RPL6: variants seen among roughly 807,000 people sequenced by gnomAD.
The protein encoded by RPL6 is large ribosomal subunit protein eL6.
In RPL6, 1 loss-of-function variant was observed where a neutral mutation model predicts 32.1. The ratio of observed to expected loss-of-function variants is 0.03; its 90% CI spans 0.01 to 0.15. The LOEUF (loss-of-function observed/expected upper bound fraction) is 0.15. Among genes scored for constraint, RPL6 ranks in the 10% least tolerant of loss-of-function variants. The pLI, the probability that RPL6 is intolerant of heterozygous loss-of-function variation, is 1.00. For missense variants in RPL6, 275 were observed against 354.6 expected (o/e 0.78, Z 1.80); for synonymous variants, 126 against 131.6 (o/e 0.96, Z 0.29).
chr12:112,408,299 T>A lies in RPL6; in HGVS notation c.277A>T (p.Thr93Ser). The change falls in exon 3 of 7, where the codon ACA becomes TCA. Residue 93 changes from threonine to serine, a missense_variant. Thr to Ser is a moderately conservative substitution (Grantham distance 58). Transcript: ENST00000202773. The part of the protein sequence containing the change: ...KKKEKVLATV[T>S]KPVGGDKNGG... ...TTCTTGTCACCACCAACTGGTTTTG[T>A]AACAGTTGCGAGAACCTTCTCCTTC... The A allele has an allele frequency of 6.2e-7, 1 of 1,614,242 alleles. No homozygotes were observed. Among genetic ancestry groups the A allele is most frequent in the East Asian group, 2.2e-5 (1 of 44,888 alleles).
chr12:112,409,062 C>A (rs564176382), intron 1 of RPL6: 1 of 234,492 alleles, frequency 4.3e-6, no homozygotes, highest in South Asian at 1.7e-4. Flanking sequence ...TTCGTCTTAA[C>A]CCTTAAGACC....
chr12:112,405,372 T>C lies in RPL6; in HGVS notation c.719A>G (p.Tyr240Cys), dbSNP rs753454038. ...AATCTTGCGCTGCTCCGTAATCTCA[T>C]ATTTCTAAATAAAGAGAAAATCAAA... ...GEIFDTEKEK[Y>C]EITEQRKIDQ... Residue 240 changes from tyrosine (Y) to cysteine (C), a missense_variant, in exon 7 of 7, where the codon TAT becomes TGT. Tyr to Cys is a radical substitution (Grantham distance 194). Transcript: ENST00000202773. The C allele has an allele frequency of 3.7e-6, 6 of 1,604,894 alleles. No homozygotes were observed. The highest frequency in any genetic ancestry group is 4.2e-6 in the Non-Finnish European group (5 of 1,178,162).
At chr12:112,415,761 A>G (rs2037399484) in intron 1 of RPL6, among the ~76,000 whole-genome samples, 1 of 150,342 alleles carries the variant, frequency 6.7e-6, no homozygotes. Context: ...CAGGGGTCTT[A>G]CTCTGTTGCC....
intron 4 of RPL6, 134 bp downstream of exon 4, chr12:112,406,613 T>C: frequency 4.9e-6 from 6 of 1,215,290 alleles, no homozygotes; most frequent in Non-Finnish European, 6.8e-6. Context: ...AACAACTAAG[T>C]TGTATCTTGC....
upstream of RPL6, among the ~76,000 whole-genome samples, chr12:112,413,886 A>AATGACTTTG (rs2037370195): frequency 6.6e-6 from 1 of 152,080 alleles, no homozygotes; most frequent in Non-Finnish European, 1.5e-5. Context: ...AAAGGAAGAC[A>AATGACTTTG]ATGACTTTGT....
At chr12:112,410,010 A>C (rs1431329795), upstream of RPL6, among the ~76,000 whole-genome samples, 1 of 117,878 alleles carries the variant, frequency 8.5e-6, no homozygotes, top group Non-Finnish European at 1.8e-5. Context: ...TCAAAAAAGA[A>C]AAAAAAAAAA....
At chr12:112,412,183 G>A (rs1195390012), upstream of RPL6, among the ~76,000 whole-genome samples, 1 of 152,050 alleles carries the variant, frequency 6.6e-6, no homozygotes, top group Non-Finnish European at 1.5e-5. Context: ...GGGACTACAG[G>A]CGCCCGCCAC....
upstream of RPL6, among the ~76,000 whole-genome samples, chr12:112,413,863 TAA>T (rs749770603): frequency 2.1e-4 from 28 of 131,778 alleles, no homozygotes; most frequent in Admixed American, 2.3e-4. Flanking sequence ...CTGTCTGTAT[TAA>T]AAAAAAAAAA....
chr12:112,410,783 C>T (rs2037332411), upstream of RPL6, among the ~76,000 whole-genome samples: 4 of 151,672 alleles, frequency 2.6e-5, no homozygotes, highest in African/African-American at 9.7e-5. Flanking sequence ...CCATGATGGC[C>T]AAGCTGGTTT....
Position 112,408,350 on chromosome 12 carries a change from C to T in RPL6, c.238-12G>A. 6.2e-7 allele frequency: 1 copy of T among 1,613,912 alleles called. No homozygotes were observed. The highest frequency in any genetic ancestry group is 1.1e-5 in the South Asian group (1 of 91,082). ...TTTTTCTTTTCAACCTACAAGGACA[C>T]AAATGCATCAACAGTAAGAGAATGC... On this transcript the variant is annotated splice_polypyrimidine_tract_variant and intron_variant, in intron 2 of 6. Transcript: ENST00000202773.
upstream of RPL6, chr12:112,409,677 G>A (rs2037302429): frequency 7.6e-6 from 3 of 394,504 alleles, no homozygotes; most frequent in Non-Finnish European, 1.3e-5. Context: ...CGGATCTGGG[G>A]CATCATGGGG....
chr12:112,408,389 G>C (rs367773166), intron 2 of RPL6, 31 bp downstream of exon 2: 29 of 1,613,384 alleles, frequency 1.8e-5, no homozygotes, highest in African/African-American at 2.7e-5. Context: ...TTAAGGTTAA[G>C]ACATAATGGT....
upstream of RPL6, among the ~76,000 whole-genome samples, chr12:112,413,937 CAAT>C (rs1012381839): frequency 4.6e-5 from 7 of 151,066 alleles, no homozygotes; most frequent in African/African-American, 7.3e-5. Context: ...CACAGAACAA[CAAT>C]GACAGAACCC....
At chr12:112,414,651 T>C (rs541442976), upstream of RPL6, among the ~76,000 whole-genome samples, 8 of 152,112 alleles carry the variant, frequency 5.3e-5, no homozygotes, top group Admixed American at 3.3e-4. Context: ...CGCCTGTAAT[T>C]CCAGCACTTT....
chr12:112,409,842 C>T (rs1187023959), upstream of RPL6, among the ~76,000 whole-genome samples: 1 of 150,988 alleles, frequency 6.6e-6, no homozygotes, highest in African/African-American at 2.4e-5. Flanking sequence ...GAAATCCCGT[C>T]TCTACTAAAA....
intron 6 of RPL6, 173 bp downstream of exon 6, chr12:112,405,679 GC>G: frequency 1.5e-6 from 1 of 646,712 alleles, no homozygotes; most frequent in Non-Finnish European, 2.6e-6. Context: ...TCTAAGTTGA[GC>G]TCCCAGACTG....
chr12:112,406,640 C>A, intron 4 of RPL6, 107 bp downstream of exon 4: 1 of 1,412,550 alleles, frequency 7.1e-7, no homozygotes, highest in Non-Finnish European at 9.5e-7. Flanking sequence ...TTTCCCCTTG[C>A]CCCAAACATA....
chr12:112,412,716 T>C (rs2135808834), upstream of RPL6, among the ~76,000 whole-genome samples: 1 of 152,136 alleles, frequency 6.6e-6, no homozygotes, highest in South Asian at 2.1e-4. Flanking sequence ...TGTTAGGCAG[T>C]AAATCTTTTA....
chr12:112,410,508 A>C (rs2037323679), upstream of RPL6: 1 of 143,230 alleles, frequency 7.0e-6, no homozygotes, highest in South Asian at 2.2e-4. Context: ...ACTGAGAAGC[A>C]TATTTGATTA....
Sources: gnomAD v4.1 joint callset for allele counts (sites outside exome capture counted in the v4.1 genomes callset) on GRCh38, gnomAD v4.1.1 for gene constraint, MANE v1.5 for transcripts, NCBI Gene and HGNC (gene_info 2026-07-23, HGNC 2026-07-21) for gene names.